Variants in GALNT18 observed in about 807,000 individuals in gnomAD.
The protein encoded by GALNT18 is GalNAc-transferase 18.
Under a neutral mutation model 69.5 loss-of-function variants are expected in GALNT18, and 44 were observed. The observed-to-expected ratio is 0.63, with a 90% CI of 0.50 to 0.81. The LOEUF (loss-of-function observed/expected upper bound fraction) is 0.81. GALNT18 is among the 40% of genes least tolerant of loss of function. The pLI is 0.00. For synonymous variants in GALNT18, 364 were observed against 318.2 expected (o/e 1.14, Z -1.53); for missense variants, 715 against 810.0 (o/e 0.88, Z 1.42).
chr11:11,426,894 A>G (rs1265885213), intron 3 of GALNT18, among the ~76,000 whole-genome samples: 1 of 152,184 alleles, frequency 6.6e-6, no homozygotes, highest in Non-Finnish European at 1.5e-5. Context: ...GCAAGGGCAA[A>G]TGTCCTGAGG....
Position 11,454,507 on chromosome 11 carries a change from CCTCTCT to C in GALNT18, c.236-5577_236-5572del, listed in dbSNP as rs563973696. The stretch of plus-strand genomic sequence containing the variant: ...AGAAGGAGGCTGTGTCTTCTTCTTG[CCTCTCT>C]CTCTCTCTCTCTTTCAAATCTCACC... On this transcript the variant is annotated intron_variant, in intron 1 of 10. Coordinates refer to ENST00000227756, the MANE Select transcript of GALNT18 (RefSeq NM_198516.3). This position sits in a 1 kb window ranked among gnomAD's most constrained non-coding sequence, Gnocchi z 4.2. 2.0e-5 allele frequency among the ~76,000 whole-genome samples: 3 copies of C among 150,208 alleles called. No homozygotes were observed. The highest frequency in any genetic ancestry group is 6.6e-5 in the Admixed American group (1 of 15,064).
At chr11:11,522,489 A>ACCT (rs1413317093) in intron 1 of GALNT18, among the ~76,000 whole-genome samples, 3 of 152,064 alleles carry the variant, frequency 2.0e-5, no homozygotes, top group Non-Finnish European at 4.4e-5. Flanking sequence ...CAGACAAGAG[A>ACCT]TGAAGAATCA....
At chr11:11,393,194 A>G (rs1475558807) in intron 3 of GALNT18, among the ~76,000 whole-genome samples, 1 of 152,202 alleles carries the variant, frequency 6.6e-6, no homozygotes, top group East Asian at 1.9e-4. Flanking sequence ...ACTGCCCCCC[A>G]GGACAAAACC....
intron 1 of GALNT18, among the ~76,000 whole-genome samples, chr11:11,551,424 T>G (rs1858187349): frequency 6.6e-6 from 1 of 152,302 alleles, no homozygotes; most frequent in South Asian, 2.1e-4. Context: ...GAACCTCTAG[T>G]GCTTGAGGTC....
chr11:11,412,082 C>T (rs1049156600), intron 3 of GALNT18, among the ~76,000 whole-genome samples: 3 of 152,196 alleles, frequency 2.0e-5, no homozygotes, highest in African/African-American at 7.2e-5. Context: ...CAAAACGGAT[C>T]TGGATGGGAC....
chr11:11,291,878 A>G (rs1379965527), intron 10 of GALNT18, among the ~76,000 whole-genome samples: 1 of 152,212 alleles, frequency 6.6e-6, no homozygotes, highest in Non-Finnish European at 1.5e-5. Context: ...CTGCACACCC[A>G]GACCACAGTC....
Position 11,613,160 on chromosome 11 carries a change from G to A in GALNT18, c.235+8199C>T, listed in dbSNP as rs945336013. ...TAGCAACATATTTTAATCCATAATCGTGTAGTCAGAAAAACCACCAAAGCT... is the reference window on the plus strand; with the variant it reads ...TAGCAACATATTTTAATCCATAATCATGTAGTCAGAAAAACCACCAAAGCT... On this transcript the variant is annotated intron_variant, in intron 1 of 10. Transcript: ENST00000227756. The surrounding 1 kb of genome is among the most constrained non-coding windows in gnomAD (Gnocchi z 4.2). Among the ~76,000 whole-genome samples, 1 of 152,144 alleles carries A rather than the reference G, an allele frequency of 6.6e-6. No homozygotes were observed. The highest frequency in any genetic ancestry group is 1.5e-5 in the Non-Finnish European group (1 of 68,032).
At chr11:11,386,659 G>C (rs929857415) in intron 3 of GALNT18, among the ~76,000 whole-genome samples, 1 of 152,112 alleles carries the variant, frequency 6.6e-6, no homozygotes. Flanking sequence ...GTTATTCTAA[G>C]TATTTGGTAT....
Position 11,347,708 on chromosome 11 carries a change from C to T in GALNT18, c.1093-6704G>A, listed in dbSNP as rs767332519. ...CCTGCTCTCCACATCCATCCAAAGC[C>T]GGCCTGGCCCAGCTCCTCCAAACTC... On this transcript the variant is annotated intron_variant, in intron 6 of 10. Coordinates refer to ENST00000227756, the MANE Select transcript of GALNT18 (RefSeq NM_198516.3). The surrounding 1 kb of genome is among the most constrained non-coding windows in gnomAD (Gnocchi z 4.0). Among the ~76,000 whole-genome samples the T allele has an allele frequency of 2.0e-5, 3 of 152,206 alleles. No homozygotes were observed. The highest frequency in any genetic ancestry group is 2.1e-4 in the South Asian group (1 of 4,824).
rs201382413 is a variant in GALNT18, at chr11:11,271,258, G to A, written c.1710C>T (p.Arg570=). Residue 570 remains arginine, a synonymous_variant, in exon 11 of 11, where the codon CGC becomes CGT. Transcript: ENST00000227756. ...GGPIQNRKSK[R]CLELQENSDL... is the part of the protein sequence containing the mutation. ...CGCTATTCTCCTGCAGCTCCAGACA[G>A]CGCTTAGACTTGCGGTTCTGGATGG... The A allele has an allele frequency of 6.5e-5, 105 of 1,614,090 alleles. 2 individuals are homozygous for A. The South Asian group carries it at 1.0e-3, about 16-fold the overall frequency.
At chr11:11,608,906 A>G (rs1859818217) in intron 1 of GALNT18, among the ~76,000 whole-genome samples, 1 of 152,188 alleles carries the variant, frequency 6.6e-6, no homozygotes, top group South Asian at 2.1e-4. Flanking sequence ...TTCTTCAAAG[A>G]TGTGTCATTA....
At chr11:11,445,075 T>G (rs1344649352) in intron 2 of GALNT18, among the ~76,000 whole-genome samples, 1 of 152,176 alleles carries the variant, frequency 6.6e-6, no homozygotes, top group Non-Finnish European at 1.5e-5. Context: ...ACGCCGACCT[T>G]CCTCCCTCCA....
chr11:11,590,621 C>T lies in GALNT18; in HGVS notation c.235+30738G>A, dbSNP rs1859333903. ...GATAAAATGAGCATGTTACTGTCTG[C>T]TCAACAAGGATGCTGTGAAGATTGA... On this transcript the variant is annotated intron_variant, in intron 1 of 10. Coordinates refer to ENST00000227756, the MANE Select transcript of GALNT18 (RefSeq NM_198516.3). This position sits in a 1 kb window ranked among gnomAD's most constrained non-coding sequence, Gnocchi z 4.4. 6.6e-6 allele frequency among the ~76,000 whole-genome samples: 1 copy of T among 152,204 alleles called. No individual in the cohort carries two copies. The highest frequency in any genetic ancestry group is 2.1e-4 in the South Asian group (1 of 4,832).
chr11:11,278,993 TG>T (rs544187362), intron 10 of GALNT18, among the ~76,000 whole-genome samples: 341 of 152,336 alleles, frequency 2.2e-3, no homozygotes, highest in Non-Finnish European at 4.1e-3. Flanking sequence ...ATGTACCCAT[TG>T]ATGTAGTCTG....
chr11:11,316,056 A>C (rs1364049785), intron 9 of GALNT18, among the ~76,000 whole-genome samples: 1 of 152,230 alleles, frequency 6.6e-6, no homozygotes, highest in African/African-American at 2.4e-5. Flanking sequence ...TAACTGGATT[A>C]GTCCCTAAAT....
At chr11:11,370,771 C>T (rs531955434) in intron 6 of GALNT18, among the ~76,000 whole-genome samples, 15 of 152,348 alleles carry the variant, frequency 9.8e-5, no homozygotes, top group African/African-American at 3.4e-4. Flanking sequence ...GACTCACACA[C>T]ATGCTGGAAG....
At chr11:11,330,777 G>T (rs12417348) in intron 8 of GALNT18, among the ~76,000 whole-genome samples, 1,842 of 152,304 alleles carry the variant, frequency 0.012, 37 homozygotes, top group Middle Eastern at 0.058. Context: ...TGTATAAGAT[G>T]AGATGCTTTT....
intron 3 of GALNT18, among the ~76,000 whole-genome samples, chr11:11,399,878 G>C (rs1393009076): frequency 6.6e-6 from 1 of 152,186 alleles, no homozygotes; most frequent in Non-Finnish European, 1.5e-5. Context: ...CTTACTATGT[G>C]TTAAATATAT....
At chr11:11,615,386 AC>A (rs1169264202) in intron 1 of GALNT18, among the ~76,000 whole-genome samples, 1 of 152,238 alleles carries the variant, frequency 6.6e-6, no homozygotes. Context: ...CTTTCAGGAA[AC>A]AAAATGCAGT....
Sources: gnomAD v4.1 joint callset for allele counts (sites outside exome capture counted in the v4.1 genomes callset) on GRCh38, gnomAD v4.1.1 for gene constraint, Gnocchi (gnomAD v3.1) non-coding constraint, MANE v1.5 for transcripts, NCBI Gene and HGNC (gene_info 2026-07-23, HGNC 2026-07-21) for gene names.